SORL1: variants seen among roughly 807,000 people sequenced by gnomAD.
SORL1 encodes sortilin-related receptor.
Under a neutral mutation model 273.7 loss-of-function variants are expected in SORL1, and 127 were observed. The ratio of observed to expected loss-of-function variants is 0.46; its 90% CI spans 0.40 to 0.54. The LOEUF (loss-of-function observed/expected upper bound fraction) is 0.54, where lower values mean the gene tolerates loss of function less well. Ranked by LOEUF, SORL1 falls within the 20% of genes least tolerant of loss-of-function variation. The probability of loss-of-function intolerance (pLI) is 0.00; values close to 1 mark genes in which losing one functional copy is unlikely to be tolerated. For missense variants in SORL1, 2,494 were observed against 2,846.1 expected (o/e 0.88, Z 2.81); for synonymous variants, 1,031 against 1,067.4 (o/e 0.97, Z 0.66).
intron 12 of SORL1, among the ~76,000 whole-genome samples, chr11:121,541,345 CAG>C (rs1236718983): frequency 3.9e-5 from 6 of 152,018 alleles, no homozygotes; most frequent in Non-Finnish European, 8.8e-5. Flanking sequence ...GCTGGGACCA[CAG>C]GGGGCACCAC....
intron 20 of SORL1, 103 bp from the exon 21 acceptor site, chr11:121,559,416 A>T (rs1461893819): frequency 1.6e-6 from 2 of 1,224,100 alleles, no homozygotes; most frequent in Non-Finnish European, 1.2e-6. Flanking sequence ...TCATTCAGCC[A>T]ATAAATGTTA....
Position 121,559,289 on chromosome 11 carries a change from T to C in SORL1, c.2911-230T>C, listed in dbSNP as rs567652136. ...AACTGAGGGGGTTGGGTTTGTGTCA[T>C]AAACTTGAATGCTTATCAGATAGTT... On this transcript the variant is annotated intron_variant, in intron 20 of 47. Transcript: ENST00000260197. Among the ~76,000 whole-genome samples the C allele has an allele frequency of 2.0e-5, 3 of 152,366 alleles. No homozygotes were observed. In the East Asian group the frequency reaches 5.8e-4, roughly 29 times the overall value.
intron 14 of SORL1, among the ~76,000 whole-genome samples, chr11:121,545,740 T>C (rs1350346430): frequency 6.6e-6 from 1 of 152,230 alleles, no homozygotes; most frequent in African/African-American, 2.4e-5. Context: ...GGTTTCATTG[T>C]TTTTAATCCT....
At chr11:121,528,363 G>T (rs921054914) in intron 11 of SORL1, among the ~76,000 whole-genome samples, 1 of 152,170 alleles carries the variant, frequency 6.6e-6, no homozygotes, top group African/African-American at 2.4e-5. Flanking sequence ...GGGGGCTGAG[G>T]TGGGAGGCTC....
At chr11:121,590,696 C>T in intron 30 of SORL1, 1 of 649,324 alleles carries the variant, frequency 1.5e-6, no homozygotes, top group Non-Finnish European at 2.8e-6. Flanking sequence ...TCTTAGCCAC[C>T]CTGTGCCTCC....
chr11:121,479,275 C>T (rs1861336436), intron 3 of SORL1, among the ~76,000 whole-genome samples: 1 of 152,128 alleles, frequency 6.6e-6, no homozygotes, highest in African/African-American at 2.4e-5. Flanking sequence ...TTGGGTAGCT[C>T]TTAGCTCGGA....
Position 121,566,923 on chromosome 11 carries a change from G to A in SORL1, c.3050-17G>A. 6.2e-7 allele frequency: 1 copy of A among 1,609,898 alleles called. No homozygotes were observed. Among genetic ancestry groups the A allele is most frequent in the African/African-American group, 1.3e-5 (1 of 74,982 alleles). Reference sequence around the variant, plus strand: ...GGTGTGTATTAACCTACCTGCTGCTGTTTGTCTTCCCTCCAGGAAGCAATG... The same window carrying A: ...GGTGTGTATTAACCTACCTGCTGCTATTTGTCTTCCCTCCAGGAAGCAATG... On this transcript the variant is annotated splice_polypyrimidine_tract_variant and intron_variant, in intron 21 of 47. Coordinates refer to ENST00000260197, the MANE Select transcript of SORL1 (RefSeq NM_003105.6).
chr11:121,622,463 C>T (rs933061007), intron 45 of SORL1, among the ~76,000 whole-genome samples, 195 bp downstream of exon 45: 8 of 152,216 alleles, frequency 5.3e-5, no homozygotes, highest in South Asian at 2.1e-4. Context: ...TTATACTGCC[C>T]GTTAAAGATG....
Position 121,608,165 on chromosome 11 carries a change from T to A in SORL1, c.5228T>A (p.Ile1743Lys). The change falls in exon 38 of 48, where the codon ATA (isoleucine) becomes AAA (lysine). Residue 1743 changes from isoleucine (I) to lysine (K), a missense_variant. Coordinates refer to ENST00000260197, the MANE Select transcript of SORL1 (RefSeq NM_003105.6). ...AGCGATTCTAAATCCATTACCACCA[T>A]AAAAGGAAAAGGTAAATGATCCCAG... The part of the protein sequence containing the change: ...NWSDSKSITT[I>K]KGKVIPPPDI... 1 of 1,613,178 alleles carries A rather than the reference T, an allele frequency of 6.2e-7. No homozygotes were observed. The highest frequency in any genetic ancestry group is 8.5e-7 in the Non-Finnish European group (1 of 1,179,182).
chr11:121,522,488 C>A, intron 9 of SORL1, 98 bp from the exon 10 acceptor site: 2 of 881,648 alleles, frequency 2.3e-6, no homozygotes, highest in South Asian at 1.4e-5. Context: ...CTCCTTGCCC[C>A]GTGTCAGCTG....
intron 45 of SORL1, among the ~76,000 whole-genome samples, chr11:121,624,612 C>T (rs1863767828): frequency 6.6e-6 from 1 of 152,224 alleles, no homozygotes; most frequent in East Asian, 1.9e-4. Flanking sequence ...GTCATTCCTA[C>T]ATATTGTTCT....
intron 41 of SORL1, among the ~76,000 whole-genome samples, chr11:121,615,843 C>A (rs1503415): frequency 0.67 from 102,281 of 152,002 alleles, 35,190 homozygotes; most frequent in African/African-American, 0.77. Context: ...CGATAAACCC[C>A]TGTTCCCCCT....
intron 41 of SORL1, among the ~76,000 whole-genome samples, chr11:121,617,513 C>T (rs555823820): frequency 6.6e-6 from 1 of 152,114 alleles, no homozygotes; most frequent in South Asian, 2.1e-4. Flanking sequence ...AGAGCTTAGT[C>T]CTCACAGCTG....
intron 6 of SORL1, among the ~76,000 whole-genome samples, chr11:121,507,124 A>C (rs1173083102): frequency 6.6e-6 from 1 of 152,042 alleles, no homozygotes; most frequent in Non-Finnish European, 1.5e-5. Context: ...TTATTGTTTC[A>C]TCTTTATACT....
chr11:121,555,194 G>C lies in SORL1; in HGVS notation c.2447G>C (p.Cys816Ser), dbSNP rs747680031. The C allele has an allele frequency of 1.2e-6, 2 of 1,613,196 alleles. No homozygotes were observed. The highest frequency in any genetic ancestry group is 1.7e-6 in the Non-Finnish European group (2 of 1,179,506). ...TTACTTTTCTCTCTTAAGCGCCTCT[G>C]TTTGAATGGAAGCACAGGGCAAGAG... The part of the protein sequence containing the change: ...DLALDVIQRL[C>S]LNGSTGQEVI... The change falls in exon 18 of 48, where the codon TGT becomes TCT. Residue 816 changes from cysteine to serine, a missense_variant. Transcript: ENST00000260197.
At chr11:121,455,882 ACTC>A (rs1860894730) in intron 1 of SORL1, among the ~76,000 whole-genome samples, 1 of 151,850 alleles carries the variant, frequency 6.6e-6, no homozygotes, top group South Asian at 2.1e-4. Flanking sequence ...AGTCCTGGCT[ACTC>A]AAGAGGCTGA....
chr11:121,557,457 A>G (rs764093837), intron 19 of SORL1, 52 bp downstream of exon 19: 18 of 1,298,808 alleles, frequency 1.4e-5, no homozygotes, highest in Non-Finnish European at 1.9e-5. Context: ...CTACACTAAT[A>G]GATTCTCATG....
chr11:121,612,946 G>C, intron 40 of SORL1, 114 bp downstream of exon 40: 1 of 693,572 alleles, frequency 1.4e-6, no homozygotes, highest in Non-Finnish European at 2.6e-6. Flanking sequence ...TTCTCTGGAA[G>C]CTGTTCTGTG....
At chr11:121,459,983 A>T (rs1461537653) in intron 1 of SORL1, among the ~76,000 whole-genome samples, 14 of 152,234 alleles carry the variant, frequency 9.2e-5, no homozygotes, top group Non-Finnish European at 1.8e-4. Context: ...ACAATGATTT[A>T]TCTCCAGTCC....
Sources: allele counts gnomAD v4.1 joint callset (sites outside exome capture counted in the v4.1 genomes callset), GRCh38; gene constraint gnomAD v4.1.1; transcripts MANE v1.5; gene names NCBI Gene and HGNC (gene_info 2026-07-23, HGNC 2026-07-21).